PCDHA10: variants seen among roughly 807,000 people sequenced by gnomAD.
PCDHA10 encodes protocadherin alpha-10.
In PCDHA10, 45 loss-of-function variants were observed where a neutral mutation model predicts 61.2. The observed-to-expected ratio is 0.74, with a 90% CI of 0.58 to 0.94. PCDHA10 has a LOEUF of 0.94. Among genes scored for constraint, PCDHA10 ranks in the 40% least tolerant of loss-of-function variants. The pLI, the probability that PCDHA10 is intolerant of heterozygous loss-of-function variation, is 0.00. For synonymous variants in PCDHA10, 602 were observed against 548.8 expected (o/e 1.10, Z -1.35); for missense variants, 1,278 against 1,236.2 (o/e 1.03, Z -0.51).
At chr5:140,913,021 A>G (rs548086979) in intron 1 of PCDHA10, among the ~76,000 whole-genome samples, 1 of 152,154 alleles carries the variant, frequency 6.6e-6, no homozygotes, top group South Asian at 2.1e-4. Context: ...TTTTGCATCA[A>G]TATTCATCAG....
At chr5:140,882,164 C>A in intron 1 of PCDHA10, 1 of 1,509,950 alleles carries the variant, frequency 6.6e-7, no homozygotes, top group Non-Finnish European at 8.9e-7. Flanking sequence ...ATACCTCTTG[C>A]GAATCCTTCC....
rs781977975 is a variant in PCDHA10, at chr5:140,857,750, C to G, written c.1702C>G (p.Pro568Ala). 1.9e-6 allele frequency: 3 copies of G among 1,597,316 alleles called. No homozygotes were observed. Among genetic ancestry groups the G allele is most frequent in the Non-Finnish European group, 1.7e-6 (2 of 1,167,614 alleles). The change falls in exon 1 of 4, where the codon CCC (proline) becomes GCC (alanine). Residue 568 changes from proline to alanine, a missense_variant. Coordinates refer to ENST00000307360, the MANE Select transcript of PCDHA10 (RefSeq NM_018901.4). ...CAACGCTCCCGCGCTGCTGGCGTCT[C>G]CCGCTGGCAGCGCGGGCGGTGCAGT... ...NDNAPALLAS[P>A]AGSAGGAVSE...
intron 1 of PCDHA10, among the ~76,000 whole-genome samples, chr5:140,922,064 T>C (rs2080596272): frequency 6.6e-6 from 1 of 152,054 alleles, no homozygotes; most frequent in Non-Finnish European, 1.5e-5. Flanking sequence ...AATGTAGCAA[T>C]CCCACTAAGC....
rs1005130215 is a variant in PCDHA10 at position 140,976,643 on chromosome 5, A to G, written c.2389-2306A>G. On this transcript the variant is annotated intron_variant, in intron 1 of 3. Coordinates refer to ENST00000307360, the MANE Select transcript of PCDHA10 (RefSeq NM_018901.4). ...AGCTGAACTCAGCAATCAGACAAGT[A>G]ATTTAATCTCTCCAAAGTTCAGATG... Among the ~76,000 whole-genome samples the G allele has an allele frequency of 2.0e-5, 3 of 152,236 alleles. No homozygotes were observed. In the South Asian group the frequency reaches 6.2e-4, roughly 31 times the overall value.
Position 140,858,065 on chromosome 5 carries a change from C to T in PCDHA10, c.2017C>T (p.Gln673Ter), listed in dbSNP as rs200661444. 1.2e-3 allele frequency: 1,989 copies of T among 1,597,646 alleles called. 147 individuals carry two copies. Among genetic ancestry groups the T allele is most frequent in the Non-Finnish European group, 1.1e-3 (1,233 of 1,167,558 alleles). Reference sequence around the variant, plus strand: ...GCTTGTGTCGCTTGTGGAGGGCAGCCAGGCACCCAAGGCCTCGTCGCGGGC... The same window carrying T: ...GCTTGTGTCGCTTGTGGAGGGCAGCTAGGCACCCAAGGCCTCGTCGCGGGC... The part of the protein sequence containing the change: ...TVLVSLVEGS[Q>*]APKASSRASV... Residue 673 changes from glutamine (Q) to a stop codon, truncating the protein, a stop_gained, in exon 1 of 4, where the codon CAG (glutamine) becomes TAG (stop). Transcript: ENST00000307360. LOFTEE classifies it high-confidence loss of function.
chr5:140,994,258 G>A (rs2097608740), intron 3 of PCDHA10, among the ~76,000 whole-genome samples: 1 of 152,122 alleles, frequency 6.6e-6, no homozygotes, highest in Admixed American at 6.5e-5. Flanking sequence ...GGTAAATAAG[G>A]TAAGCTAGGC....
intron 1 of PCDHA10, chr5:140,927,252 C>A: frequency 6.2e-7 from 1 of 1,614,134 alleles, no homozygotes; most frequent in Non-Finnish European, 8.5e-7. Flanking sequence ...CCAATGACAA[C>A]TCACCTCTCT....
intron 3 of PCDHA10, among the ~76,000 whole-genome samples, chr5:141,005,701 CAAAAAAA>C (rs59860837): frequency 1.3e-4 from 1 of 7,786 alleles, no homozygotes; most frequent in African/African-American, 4.7e-4. Context: ...AACTCCGTCT[CAAAAAAA>C]AAAAAAAAAA....
chr5:141,004,124 C>T (rs1225012224), intron 3 of PCDHA10, among the ~76,000 whole-genome samples: 1 of 152,202 alleles, frequency 6.6e-6, no homozygotes, highest in Non-Finnish European at 1.5e-5. Context: ...GGAGTATCTC[C>T]ATGATTCTGC....
intron 1 of PCDHA10, among the ~76,000 whole-genome samples, chr5:140,924,726 C>T (rs1294650773): frequency 1.3e-5 from 2 of 151,796 alleles, no homozygotes; most frequent in African/African-American, 4.8e-5. Context: ...GAAACCTCAC[C>T]TCTAATAAAA....
chr5:140,978,036 C>T (rs1460377915), intron 1 of PCDHA10, among the ~76,000 whole-genome samples: 22 of 152,268 alleles, frequency 1.4e-4, no homozygotes, highest in Admixed American at 1.4e-3. Context: ...TGATACAAGA[C>T]AGTGATGGTG....
chr5:140,945,850 T>G (rs1472612975), intron 1 of PCDHA10, among the ~76,000 whole-genome samples: 1 of 152,102 alleles, frequency 6.6e-6, no homozygotes, highest in Non-Finnish European at 1.5e-5. Context: ...ATTAAAGACT[T>G]AAACATAGAC....
chr5:140,927,734 G>A, intron 1 of PCDHA10: 1 of 1,614,196 alleles, frequency 6.2e-7, no homozygotes, highest in Non-Finnish European at 8.5e-7. Context: ...GCAGAGCTGC[G>A]ACACCGCTTT....
intron 1 of PCDHA10, chr5:140,860,091 C>A (rs1199656209): frequency 4.0e-5 from 6 of 150,914 alleles, no homozygotes; most frequent in African/African-American, 1.5e-4. Context: ...GAGTTCAAGA[C>A]CAACCTGGGC....
intron 3 of PCDHA10, among the ~76,000 whole-genome samples, chr5:140,995,888 T>C (rs1307052037): frequency 3.3e-5 from 5 of 152,216 alleles, no homozygotes; most frequent in Non-Finnish European, 5.9e-5. Flanking sequence ...GCTTCAGATT[T>C]ATCAATGTAT....
At chr5:140,892,152 C>T (rs1364975733) in intron 1 of PCDHA10, among the ~76,000 whole-genome samples, 1 of 152,118 alleles carries the variant, frequency 6.6e-6, no homozygotes, top group African/African-American at 2.4e-5. Context: ...GCGTCTATTT[C>T]TGATATGTCC....
chr5:140,875,808 G>A (rs1554167962), intron 1 of PCDHA10: 1 of 1,614,226 alleles, frequency 6.2e-7, no homozygotes, highest in South Asian at 1.1e-5. Flanking sequence ...TCGTGGACAG[G>A]CCGCTGCAGG....
At chr5:140,865,843 A>G (rs539804831) in intron 1 of PCDHA10, 2 of 152,278 alleles carry the variant, frequency 1.3e-5, no homozygotes, top group South Asian at 4.1e-4. Context: ...TTAGTAAGTC[A>G]TTTCTCTGCT....
At position 140,871,031 on chromosome 5, in the gene PCDHA10, G is replaced by A. The variant is rs543880939; in HGVS notation, c.2388+12595G>A. ...GCCCTGGACGAGGCAGACTCGCCGC[G>A]CCACCGACTTCTAGTACTGGTGAAG... is the stretch of plus-strand genomic sequence containing the variant. On this transcript the variant is annotated intron_variant, in intron 1 of 3. Coordinates refer to ENST00000307360, the MANE Select transcript of PCDHA10 (RefSeq NM_018901.4). 3.2e-5 allele frequency: 52 copies of A among 1,613,210 alleles called. 1 individual carries two copies. In the South Asian group the frequency reaches 4.7e-4, roughly 15 times the overall value.
Sources: allele counts gnomAD v4.1 joint callset (sites outside exome capture counted in the v4.1 genomes callset), GRCh38; gene constraint gnomAD v4.1.1; transcripts MANE v1.5; gene names NCBI Gene and HGNC (gene_info 2026-07-23, HGNC 2026-07-21).